The following SCNN1A variants were observed in gnomAD, a reference collection of about 807,000 sequenced individuals.
The protein encoded by SCNN1A is sodium channel epithelial 1 subunit alpha.
A neutral mutation model predicts 68.6 loss-of-function variants in SCNN1A; 65 were observed. The observed-to-expected ratio is 0.95, with a 90% CI of 0.78 to 1.16. SCNN1A has a LOEUF of 1.16. Among genes scored for constraint, SCNN1A ranks in the 50% most tolerant of loss-of-function variants. SCNN1A has a pLI of 0.00. For synonymous variants in SCNN1A, 357 were observed against 353.3 expected (o/e 1.01, Z -0.12); for missense variants, 880 against 865.9 (o/e 1.02, Z -0.20).
In SCNN1A at chr12:6,356,437, G is replaced by GGAATGAAT. The variant is rs148812103; in HGVS notation, c.876-565_876-558dup. ...TGATTAATAAATAGTTGTTGAGTGA[G>GGAATGAAT]GAATGAATGAATGAATGAATGAATG... On this transcript the variant is annotated intron_variant, in intron 4 of 12. Transcript: ENST00000228916. 60 of 169,452 alleles carry GGAATGAAT rather than the reference G, an allele frequency of 3.5e-4. 1 individual carries two copies. Among genetic ancestry groups the GGAATGAAT allele is most frequent in the South Asian group, 3.0e-3 (21 of 7,100 alleles). 10.5% of individuals were successfully genotyped at this position (169,452 alleles called of 1,614,324 possible).
Position 6,362,061 on chromosome 12 carries a change from A to G in SCNN1A, c.865T>C (p.Cys289Arg), listed in dbSNP as rs1565481840. The G allele has an allele frequency of 6.2e-7, 1 of 1,614,224 alleles. No individual in the cohort carries two copies. Among genetic ancestry groups the G allele is most frequent in the Non-Finnish European group, 8.5e-7 (1 of 1,180,036 alleles). ...IFACRFNQVS[C>R]NQANYSHFHH... Reference sequence around the variant, plus strand: ...GCAGGACTGACTCACGCCTGGTTGCAGGAGACCTGGTTGAAGCGGCAGGCG... The same window carrying G: ...GCAGGACTGACTCACGCCTGGTTGCGGGAGACCTGGTTGAAGCGGCAGGCG... The change falls in exon 4 of 13, where the codon TGC becomes CGC. Residue 289 changes from cysteine to arginine, a missense_variant. By Grantham distance (180) the Cys-to-Arg change is radical. This residue lies in a region of SCNN1A where 758 missense variants were observed against 721.8 expected (regional missense o/e 1.05). Transcript: ENST00000228916.
At chr12:6,362,350 G>A in intron 3 of SCNN1A, 109 bp from the exon 4 acceptor site, 1 of 976,242 alleles carries the variant, frequency 1.0e-6, no homozygotes. Flanking sequence ...TGACGGACAG[G>A]AGTCGGAAGC....
intron 4 of SCNN1A, among the ~76,000 whole-genome samples, chr12:6,360,492 G>A (rs1209493056): frequency 6.6e-6 from 1 of 152,230 alleles, no homozygotes; most frequent in Non-Finnish European, 1.5e-5. Context: ...GGAACTTGGT[G>A]ACAGGTGTGG....
intron 2 of SCNN1A, among the ~76,000 whole-genome samples, chr12:6,364,559 C>T (rs1267430607): frequency 2.0e-5 from 3 of 151,770 alleles, no homozygotes; most frequent in Non-Finnish European, 2.9e-5. Flanking sequence ...ATCGAGACCA[C>T]CCTGGCTAAC....
chr12:6,348,181 C>G lies in SCNN1A; in HGVS notation c.1702G>C (p.Glu568Gln). 1 of 1,614,150 alleles carries G rather than the reference C, an allele frequency of 6.2e-7. No homozygotes were observed. Among genetic ancestry groups the G allele is most frequent in the South Asian group, 1.1e-5 (1 of 91,074 alleles). Reference sequence around the variant, plus strand: ...AGGTCAAAGACGAGCTCAGCCATCTCCACCACAGACAACACCGAGGAGCCG... The same window carrying G: ...AGGTCAAAGACGAGCTCAGCCATCTGCACCACAGACAACACCGAGGAGCCG... Reference protein sequence around the residue: ...WFGSSVLSVVEMAELVFDLLV... With the variant: ...WFGSSVLSVVQMAELVFDLLV... Residue 568 changes from glutamate to glutamine, a missense_variant, in exon 13 of 13, where the codon GAG becomes CAG. By Grantham distance (29) the Glu-to-Gln change is conservative (BLOSUM62 2). This residue lies in a region of SCNN1A where 758 missense variants were observed against 721.8 expected (regional missense o/e 1.05). Transcript: ENST00000228916.
intron 8 of SCNN1A, chr12:6,350,043 A>C (rs1948353052): frequency 5.5e-6 from 1 of 182,226 alleles, no homozygotes; most frequent in Non-Finnish European, 1.2e-5. Flanking sequence ...TAAATTAATA[A>C]AGAAAGAAAA....
chr12:6,349,882 A>T lies in SCNN1A; in HGVS notation c.1361-477T>A, dbSNP rs1948347453. 4 of 166,598 alleles carry T rather than the reference A, an allele frequency of 2.4e-5. No individual in the cohort carries two copies. In the South Asian group the frequency reaches 4.9e-4, roughly 20 times the overall value. The allele number at this position is 166,598 out of a possible 1,614,324, so 10.3% of individuals were successfully genotyped here. Reference sequence around the variant, plus strand: ...GCTGGGACTACAGGCGCCCGCCACCACGCCCGGCTAATTTTTCGTATTTTT... The same window carrying T: ...GCTGGGACTACAGGCGCCCGCCACCTCGCCCGGCTAATTTTTCGTATTTTT... On this transcript the variant is annotated intron_variant, in intron 8 of 12. Transcript: ENST00000228916.
chr12:6,363,984 C>T (rs939186865), intron 2 of SCNN1A: 1 of 334,050 alleles, frequency 3.0e-6, no homozygotes, highest in Non-Finnish European at 5.4e-6. Context: ...GTCTGTGGGG[C>T]GCTCTCCCCC....
chr12:6,355,563 G>A (rs575946336), intron 5 of SCNN1A, 128 bp from the exon 6 acceptor site: 16 of 1,205,764 alleles, frequency 1.3e-5, no homozygotes, highest in East Asian at 1.0e-4. Flanking sequence ...AGGAAGACCC[G>A]CAAAGGGACC....
Position 6,348,080 on chromosome 12 carries a change from A to G in SCNN1A, c.1803T>C (p.Gly601=). The change falls in exon 13 of 13, where the codon GGT becomes GGC. Residue 601 remains glycine, a synonymous_variant. Transcript: ENST00000228916. ...CCAGGGTGGAGGCTACCTCCTGAGC[A>G]CCCCTGCCCCCTCGGCCTGGAGACC... The part of the protein sequence containing the change: ...RYWSPGRGGR[G]AQEVASTLAS... 1 of 1,613,830 alleles carries G rather than the reference A, an allele frequency of 6.2e-7. No individual in the cohort carries two copies. The highest frequency in any genetic ancestry group is 1.1e-5 in the South Asian group (1 of 91,060).
intron 8 of SCNN1A, among the ~76,000 whole-genome samples, chr12:6,350,249 G>A (rs1277528329): frequency 2.0e-5 from 3 of 148,706 alleles, no homozygotes; most frequent in South Asian, 2.1e-4. Context: ...TGGCTAACAC[G>A]GTGAAACCCC....
intron 8 of SCNN1A, chr12:6,349,747 G>A: frequency 3.9e-6 from 1 of 257,406 alleles, no homozygotes; most frequent in South Asian, 4.2e-5. Flanking sequence ...TTTTTTTTTA[G>A]ACGGAGTTTC....
chr12:6,348,597 T>G, intron 12 of SCNN1A, 130 bp downstream of exon 12: 2 of 845,210 alleles, frequency 2.4e-6, no homozygotes, highest in Non-Finnish European at 3.9e-6. Context: ...CTTGACCCTC[T>G]TCTTTGGTCC....
At chr12:6,353,231 TA>T (rs11366729) in intron 8 of SCNN1A, among the ~76,000 whole-genome samples, 20,263 of 150,530 alleles carry the variant, frequency 0.13, 1,913 homozygotes, top group East Asian at 0.46. Context: ...CTTGTTCAGT[TA>T]AAAAAAAAAT....
chr12:6,352,141 C>T (rs528675228), intron 8 of SCNN1A, among the ~76,000 whole-genome samples: 5 of 152,022 alleles, frequency 3.3e-5, no homozygotes, highest in Admixed American at 6.5e-5. Flanking sequence ...ATACTTAAAA[C>T]GTAAAATTAA....
chr12:6,365,382 A>G (rs760899387), intron 2 of SCNN1A, among the ~76,000 whole-genome samples: 7 of 152,212 alleles, frequency 4.6e-5, no homozygotes, highest in Non-Finnish European at 8.8e-5. Context: ...AAATGCAAAC[A>G]ATCTAGAATA....
rs1388306464 is a variant in SCNN1A at position 6,347,107 on chromosome 12, C to T, written c.*766G>A. 6.6e-6 allele frequency: 1 copy of T among 152,358 alleles called. No individual in the cohort carries two copies. Among genetic ancestry groups the T allele is most frequent in the Non-Finnish European group, 1.5e-5 (1 of 68,148 alleles). The allele number at this position is 152,358 out of a possible 1,614,324, so 9.4% of individuals were successfully genotyped here. ...AGACAAGATGTGGCAGAAGCGTTCA[C>T]AAAAGTAATGGTGTCTGAGCAGGGT... On this transcript the variant is annotated 3_prime_UTR_variant, in exon 13 of 13. Coordinates refer to ENST00000228916, the MANE Select transcript of SCNN1A (RefSeq NM_001038.6).
intron 1 of SCNN1A, chr12:6,375,206 CTCTA>C: frequency 6.9e-7 from 1 of 1,445,078 alleles, no homozygotes; most frequent in Non-Finnish European, 9.0e-7. Context: ...CTCACTCCCT[CTCTA>C]TCTGCCTTCT....
chr12:6,349,260 T>C (rs1478123103), intron 9 of SCNN1A, 39 bp from the exon 10 acceptor site: 1 of 1,613,486 alleles, frequency 6.2e-7, no homozygotes, highest in South Asian at 1.1e-5. Context: ...GGGGCAGAGC[T>C]CTCCCAAATG....
Sources: gnomAD v4.1 joint callset for allele counts (sites outside exome capture counted in the v4.1 genomes callset) on GRCh38, gnomAD v4.1.1 for gene constraint, gnomAD v4.1.1 regional missense constraint, MANE v1.5 for transcripts, NCBI Gene and HGNC (gene_info 2026-07-23, HGNC 2026-07-21) for gene names.